Variants in CDH17 observed in about 807,000 individuals in gnomAD.
CDH17 encodes the protein cadherin-17.
In CDH17, 67 loss-of-function variants were observed where a neutral mutation model predicts 86.3. The observed-to-expected ratio is 0.78, with a 90% CI of 0.64 to 0.95. The LOEUF (loss-of-function observed/expected upper bound fraction) is 0.95, where lower values mean the gene tolerates loss of function less well. Among genes scored for constraint, CDH17 ranks in the 40% least tolerant of loss-of-function variants. The pLI, the probability that CDH17 is intolerant of heterozygous loss-of-function variation, is 0.00. For missense variants in CDH17, 993 were observed against 1,017.6 expected, an observed-to-expected ratio of 0.98 and a Z score of 0.33; for synonymous variants, 367 against 366.4, an observed-to-expected ratio of 1.00 and a Z score of -0.02.
intron 1 of CDH17, among the ~76,000 whole-genome samples, chr8:94,206,153 G>A (rs746853931): frequency 7.7e-5 from 11 of 143,150 alleles, no homozygotes; most frequent in African/African-American, 1.2e-4. Context: ...AGCTTGTTAC[G>A]TATTGCTTAA....
Position 94,128,055 on chromosome 8 carries a change from T to A in CDH17, c.*185A>T, listed in dbSNP as rs537492031. On this transcript the variant is annotated 3_prime_UTR_variant, in exon 18 of 18. Transcript: ENST00000027335. ...TTGCAGTGAGCTGGGATCACACCAC[T>A]GTACTCCAGCCTGGGCGACAGAGCA... 1.3e-5 allele frequency: 7 copies of A among 549,792 alleles called. No individual in the cohort carries two copies. The highest frequency in any genetic ancestry group is 4.2e-5 in the South Asian group (2 of 47,062). 34.1% of individuals were successfully genotyped at this position (549,792 alleles called of 1,614,324 possible). A position where few individuals can be genotyped will look rare whatever the true frequency, so the allele number is the denominator to read the frequency against.
At chr8:94,200,709 T>C (rs770844376) in intron 1 of CDH17, among the ~76,000 whole-genome samples, 2 of 151,902 alleles carry the variant, frequency 1.3e-5, no homozygotes, top group Non-Finnish European at 2.9e-5. Context: ...GCTGCTGGGC[T>C]TGCTCTGCAG....
intron 2 of CDH17, among the ~76,000 whole-genome samples, chr8:94,193,845 T>C (rs1813731520): frequency 6.6e-6 from 1 of 152,016 alleles, no homozygotes; most frequent in South Asian, 2.1e-4. Context: ...AGCTCTAGGG[T>C]ATTTTTTGGG....
At chr8:94,177,323 T>C (rs1252837911) in intron 4 of CDH17, among the ~76,000 whole-genome samples, 2 of 152,204 alleles carry the variant, frequency 1.3e-5, no homozygotes, top group Admixed American at 6.5e-5. Flanking sequence ...AAGCATGGTC[T>C]TACTTGGATA....
intron 9 of CDH17, among the ~76,000 whole-genome samples, chr8:94,169,793 A>G (rs576073139): frequency 9.2e-5 from 14 of 152,366 alleles, no homozygotes; most frequent in South Asian, 8.3e-4. Context: ...TACAAAAACT[A>G]AAAAGCTATC....
intron 12 of CDH17, 82 bp downstream of exon 12, chr8:94,159,889 T>C: frequency 9.5e-7 from 1 of 1,049,570 alleles, no homozygotes; most frequent in Non-Finnish European, 1.4e-6. Context: ...ATACATCACC[T>C]CTGCTTATAG....
chr8:94,193,964 G>T (rs940669841), intron 2 of CDH17, among the ~76,000 whole-genome samples: 4 of 151,416 alleles, frequency 2.6e-5, no homozygotes, highest in Non-Finnish European at 5.9e-5. Context: ...GAGAGCAAAT[G>T]CTTCCTCTAA....
chr8:94,191,284 G>A (rs1398892638), intron 2 of CDH17, among the ~76,000 whole-genome samples: 2 of 152,170 alleles, frequency 1.3e-5, no homozygotes, highest in Non-Finnish European at 2.9e-5. Flanking sequence ...AAAAAATGGT[G>A]TAGCAAAGAA....
intron 9 of CDH17, among the ~76,000 whole-genome samples, chr8:94,168,499 A>G (rs996299881): frequency 5.3e-5 from 8 of 151,966 alleles, no homozygotes; most frequent in African/African-American, 1.9e-4. Flanking sequence ...CTCATGTCCT[A>G]TCAGCTAAGC....
chr8:94,171,247 GC>G (rs1813264357), intron 7 of CDH17, among the ~76,000 whole-genome samples: 1 of 152,028 alleles, frequency 6.6e-6, no homozygotes, highest in African/African-American at 2.4e-5. Flanking sequence ...GGGTTTCTGG[GC>G]TGCTTTCTTT....
At chr8:94,135,535 T>C (rs1007481787) in intron 15 of CDH17, among the ~76,000 whole-genome samples, 1 of 152,242 alleles carries the variant, frequency 6.6e-6, no homozygotes, top group Admixed American at 6.5e-5. Context: ...CCTTTTATTT[T>C]GAGTCTATGT....
At position 94,131,276 on chromosome 8, in the gene CDH17, C is replaced by T. The variant is rs1324968419; in HGVS notation, c.2168-284G>A. Among the ~76,000 whole-genome samples the T allele has an allele frequency of 2.0e-5, 3 of 152,180 alleles. No homozygotes were observed. The East Asian group carries it at 5.8e-4, about 29-fold the overall frequency. On this transcript the variant is annotated intron_variant, in intron 15 of 17. Transcript: ENST00000027335. ...ATGCTCTATAAAGTTGCCCCAAACA[C>T]TGAATTAATGAATGCTGAACCATTG...
At chr8:94,192,472 T>A (rs554598775) in intron 2 of CDH17, among the ~76,000 whole-genome samples, 1 of 152,316 alleles carries the variant, frequency 6.6e-6, no homozygotes, top group South Asian at 2.1e-4. Flanking sequence ...ACCAATGCTA[T>A]GAAGAAAGTA....
At chr8:94,142,399 T>A (rs1812657334) in intron 15 of CDH17, among the ~76,000 whole-genome samples, 1 of 152,252 alleles carries the variant, frequency 6.6e-6, no homozygotes, top group Non-Finnish European at 1.5e-5. Flanking sequence ...CTAATGATTA[T>A]CTGACCCTTC....
intron 3 of CDH17, among the ~76,000 whole-genome samples, chr8:94,178,327 A>G (rs1325182202): frequency 6.6e-6 from 1 of 152,140 alleles, no homozygotes; most frequent in Non-Finnish European, 1.5e-5. Flanking sequence ...ATACTTTTAT[A>G]TATTTTTATT....
chr8:94,212,181 G>A (rs1586038112), upstream of CDH17, among the ~76,000 whole-genome samples: 5 of 152,166 alleles, frequency 3.3e-5, no homozygotes, highest in Admixed American at 2.6e-4. Context: ...ACAGGGTCTC[G>A]CTCTGTCACA....
chr8:94,199,222 G>A (rs1483714732), intron 1 of CDH17, among the ~76,000 whole-genome samples: 1 of 151,440 alleles, frequency 6.6e-6, no homozygotes, highest in Non-Finnish European at 1.5e-5. Flanking sequence ...CAGATGTTGG[G>A]TAAATTCTAA....
intron 15 of CDH17, among the ~76,000 whole-genome samples, chr8:94,131,726 T>C (rs1055155571): frequency 6.6e-6 from 1 of 152,024 alleles, no homozygotes; most frequent in South Asian, 2.1e-4. Context: ...TAGAACTTAA[T>C]GTGCAGGTTT....
intron 3 of CDH17, among the ~76,000 whole-genome samples, chr8:94,188,033 C>G (rs530832729): frequency 1.8e-3 from 271 of 152,270 alleles, no homozygotes; most frequent in African/African-American, 6.4e-3. Context: ...AGCTTTCAGC[C>G]TCTCCTCTGT....
Sources: gnomAD v4.1 joint callset for allele counts (sites outside exome capture counted in the v4.1 genomes callset) on GRCh38, gnomAD v4.1.1 for gene constraint, MANE v1.5 for transcripts, NCBI Gene and HGNC (gene_info 2026-07-23, HGNC 2026-07-21) for gene names.